Variants in VPS13C observed in about 807,000 individuals in gnomAD.
VPS13C encodes the protein intermembrane lipid transfer protein VPS13C.
A neutral mutation model predicts 456.8 loss-of-function variants in VPS13C; 358 were observed. That is an observed-to-expected ratio of 0.78 (90% CI 0.72 to 0.86). The LOEUF is 0.86. Among genes scored for constraint, VPS13C ranks in the 40% least tolerant of loss-of-function variants. VPS13C has a pLI of 0.00. For missense variants in VPS13C, 4,818 were observed against 4,385.4 expected (o/e 1.10, Z -2.79); for synonymous variants, 1,578 against 1,486.7 (o/e 1.06, Z -1.41).
chr15:62,037,461 T>TAATATAATAAATTTATTATATTGTAAG (rs546844953), intron 3 of VPS13C, among the ~76,000 whole-genome samples: 21,283 of 81,292 alleles, frequency 0.26, 4,304 homozygotes, highest in Admixed American at 0.36. Flanking sequence ...TATATAAATA[T>TAATATAATAAATTTATTATATTGTAAG]AATATAATAA....
intron 9 of VPS13C, among the ~76,000 whole-genome samples, chr15:62,018,083 C>T (rs539170052): frequency 2.0e-5 from 3 of 151,822 alleles, no homozygotes; most frequent in South Asian, 2.1e-4. Context: ...TTTGGCTCTC[C>T]GTTTGTCTGT....
At chr15:61,987,067 T>C (rs550057960) in intron 18 of VPS13C, among the ~76,000 whole-genome samples, 8 of 152,262 alleles carry the variant, frequency 5.3e-5, no homozygotes, top group Admixed American at 3.9e-4. Flanking sequence ...ATATTCGATA[T>C]TGCTAAAATT....
chr15:62,037,679 A>G (rs1344645377), intron 3 of VPS13C, among the ~76,000 whole-genome samples: 3 of 141,370 alleles, frequency 2.1e-5, no homozygotes, highest in Non-Finnish European at 4.6e-5. Context: ...ATAGTCTTGT[A>G]CGTAACATGT....
intron 6 of VPS13C, among the ~76,000 whole-genome samples, chr15:62,024,793 A>T (rs1305523644): frequency 1.3e-5 from 2 of 152,122 alleles, no homozygotes; most frequent in African/African-American, 4.8e-5. Flanking sequence ...TGCACTGGAT[A>T]CTACAGAAAT....
At chr15:61,865,488 G>A (rs1178237178) in intron 81 of VPS13C, 1 of 982,688 alleles carries the variant, frequency 1.0e-6, no homozygotes, top group Non-Finnish European at 1.2e-6. Context: ...ATAAGTATGT[G>A]AACCAAAATG....
rs1033574819 is a variant in VPS13C, at chr15:61,867,100, C to G, written c.10863+1559G>C. 3.2e-5 allele frequency: 31 copies of G among 961,466 alleles called. No individual in the cohort carries two copies. In the East Asian group the frequency reaches 3.5e-4, roughly 11 times the overall value. 59.6% of individuals were successfully genotyped at this position (961,466 alleles called of 1,614,324 possible). On this transcript the variant is annotated intron_variant, in intron 81 of 84. Transcript: ENST00000644861. This position sits in a 1 kb window ranked among gnomAD's most constrained non-coding sequence, Gnocchi z 5.0. ...TAAACCCTCTCTAAGGATTTAAAAG[C>G]AAAAGGTTGGTTTTTGAAAATAAAG... is the stretch of plus-strand genomic sequence containing the variant.
chr15:61,926,534 A>T (rs1330903724), intron 52 of VPS13C, among the ~76,000 whole-genome samples: 2 of 152,228 alleles, frequency 1.3e-5, no homozygotes, highest in African/African-American at 2.4e-5. Flanking sequence ...TTTGTCCACA[A>T]ATTTTTTACA....
intron 3 of VPS13C, among the ~76,000 whole-genome samples, chr15:62,036,478 A>T (rs2048003949): frequency 6.6e-6 from 1 of 152,078 alleles, no homozygotes; most frequent in South Asian, 2.1e-4. Context: ...TTAGATTTTC[A>T]CTTCTCTTCA....
chr15:61,869,442 T>C, intron 80 of VPS13C, 58 bp downstream of exon 80: 1 of 1,579,894 alleles, frequency 6.3e-7, no homozygotes, highest in East Asian at 2.3e-5. Flanking sequence ...TATTTATGTA[T>C]TCCTTGTAAT....
chr15:61,928,145 A>G (rs2140211390), intron 51 of VPS13C, among the ~76,000 whole-genome samples: 1 of 152,142 alleles, frequency 6.6e-6, no homozygotes, highest in East Asian at 1.9e-4. Context: ...ATACATATGT[A>G]ACAAACCTGC....
chr15:62,039,892 A>G (rs2048184092), intron 3 of VPS13C, among the ~76,000 whole-genome samples: 1 of 152,192 alleles, frequency 6.6e-6, no homozygotes, highest in South Asian at 2.1e-4. Context: ...AGTATATTGA[A>G]GAGATACCTA....
intron 1 of VPS13C, among the ~76,000 whole-genome samples, 160 bp from the exon 2 acceptor site, chr15:62,044,415 A>G (rs756361431): frequency 1.2e-4 from 19 of 152,180 alleles, no homozygotes; most frequent in Non-Finnish European, 2.8e-4. Flanking sequence ...TAGTTGCTAC[A>G]TATGCTCAAG....
intron 66 of VPS13C, among the ~76,000 whole-genome samples, chr15:61,898,573 C>T (rs2042902690): frequency 6.6e-6 from 1 of 151,874 alleles, no homozygotes; most frequent in African/African-American, 2.4e-5. Flanking sequence ...TATATATGCA[C>T]CCAACACAGG....
intron 80 of VPS13C, 27 bp downstream of exon 80, chr15:61,869,473 C>T (rs921097660): frequency 6.2e-7 from 1 of 1,612,820 alleles, no homozygotes; most frequent in Non-Finnish European, 8.5e-7. Context: ...CAGACACATA[C>T]CTTGCACATA....
At chr15:61,889,515 T>C (rs1207397876) in intron 67 of VPS13C, among the ~76,000 whole-genome samples, 1 of 152,102 alleles carries the variant, frequency 6.6e-6, no homozygotes. Context: ...ATTCCACCCA[T>C]CAGCCTCTAA....
At position 61,923,861 on chromosome 15, in the gene VPS13C, C is replaced by CTTTTTTTTTTTTTTT. The variant is rs1188960583; in HGVS notation, c.6610-1114_6610-1100dup. Among the ~76,000 whole-genome samples, 30 of 75,144 alleles carry CTTTTTTTTTTTTTTT rather than the reference C, an allele frequency of 4.0e-4. 8 individuals are homozygous for CTTTTTTTTTTTTTTT. The highest frequency in any genetic ancestry group is 5.8e-4 in the Non-Finnish European group (24 of 41,042). The allele number at this position is 75,144 out of a possible 152,430, so 49.3% of individuals were successfully genotyped here. A position where few individuals can be genotyped will look rare whatever the true frequency, so the allele number is the denominator to read the frequency against. ...GCCATATGTGACCACCCCTCTAAAT[C>CTTTTTTTTTTTTTTT]TTTTTTTTTTTTTTTTTTTTTTGAG... On this transcript the variant is annotated intron_variant, in intron 53 of 84. Coordinates refer to ENST00000644861, the MANE Select transcript of VPS13C (RefSeq NM_020821.3).
At position 61,983,966 on chromosome 15, in the gene VPS13C, G is replaced by A; in HGVS notation, c.1768C>T (p.Gln590Ter). ...GCCACAAGTGATGGCACAATATCCT[G>A]CTGTCTCAAACCTGTTATATACCAG... ...EHWYITGLRQ[Q>*]DIVPSLVASI... The change falls in exon 20 of 85, where the codon CAG (glutamine) becomes TAG (stop). Residue 590 changes from glutamine (Q) to a stop codon, truncating the protein, a stop_gained. Coordinates refer to ENST00000644861, the MANE Select transcript of VPS13C (RefSeq NM_020821.3). LOFTEE classifies it high-confidence loss of function. The A allele has an allele frequency of 6.2e-7, 1 of 1,614,056 alleles. No homozygotes were observed. The highest frequency in any genetic ancestry group is 1.1e-5 in the South Asian group (1 of 91,084).
chr15:62,049,220 G>C (rs536451954), intron 1 of VPS13C, among the ~76,000 whole-genome samples: 1 of 152,204 alleles, frequency 6.6e-6, no homozygotes, highest in Admixed American at 6.5e-5. Flanking sequence ...TTTCTTCTAG[G>C]GTTTTTATGG....
At chr15:61,984,465 T>C (rs1406610151) in intron 19 of VPS13C, among the ~76,000 whole-genome samples, 1 of 152,242 alleles carries the variant, frequency 6.6e-6, no homozygotes, top group Non-Finnish European at 1.5e-5. Context: ...ATGAGGCATT[T>C]AATTTTACAA....
Sources: allele counts gnomAD v4.1 joint callset (sites outside exome capture counted in the v4.1 genomes callset), GRCh38; gene constraint gnomAD v4.1.1; non-coding constraint Gnocchi (gnomAD v3.1); transcripts MANE v1.5; gene names NCBI Gene and HGNC (gene_info 2026-07-23, HGNC 2026-07-21).